Variants in ACYP2 observed in about 807,000 individuals in gnomAD.
ACYP2 encodes acylphosphatase 2.
Under a neutral mutation model 11.2 loss-of-function variants are expected in ACYP2, and 12 were observed. The observed-to-expected ratio is 1.08, with a 90% CI of 0.69 to 1.74. The LOEUF is 1.74. ACYP2 is among the 40% of genes most tolerant of loss of function. The pLI, the probability that ACYP2 is intolerant of heterozygous loss-of-function variation, is 0.00. For missense variants in ACYP2, 134 were observed against 101.9 expected (o/e 1.31, Z -1.35); for synonymous variants, 43 against 32.2 (o/e 1.33, Z -1.13).
intron 2 of ACYP2, among the ~76,000 whole-genome samples, chr2:53,982,508 C>G (rs1356512594): frequency 6.6e-6 from 1 of 152,162 alleles, no homozygotes; most frequent in Non-Finnish European, 1.5e-5. Flanking sequence ...TGAAAACAGA[C>G]AAAACTATAA....
chr2:54,095,138 ACCGC>A (rs1292038073), intron 4 of ACYP2, among the ~76,000 whole-genome samples: 1 of 151,962 alleles, frequency 6.6e-6, no homozygotes, highest in East Asian at 1.9e-4. Flanking sequence ...CACATCTTGC[ACCGC>A]CCTTAATCCA....
intron 6 of ACYP2, among the ~76,000 whole-genome samples, chr2:54,275,376 A>G (rs1277297566): frequency 2.6e-5 from 4 of 152,186 alleles, no homozygotes; most frequent in Admixed American, 1.3e-4. Context: ...GAAACTGAGG[A>G]TTGGCTACTG....
At chr2:54,115,303 T>C in intron 4 of ACYP2, 1 of 466,910 alleles carries the variant, frequency 2.1e-6, no homozygotes, top group Non-Finnish European at 3.8e-6. Flanking sequence ...CAACTTTTAT[T>C]TGTCAATTAC....
At chr2:53,978,446 G>A (rs1671599613) in intron 2 of ACYP2, among the ~76,000 whole-genome samples, 1 of 152,108 alleles carries the variant, frequency 6.6e-6, no homozygotes, top group Non-Finnish European at 1.5e-5. Flanking sequence ...GGTCAAGTAA[G>A]GACCACATAG....
At chr2:54,157,292 G>T (rs1235603051) in intron 6 of ACYP2, among the ~76,000 whole-genome samples, 1 of 151,930 alleles carries the variant, frequency 6.6e-6, no homozygotes, top group Non-Finnish European at 1.5e-5. Context: ...ATTTATCTCT[G>T]TCATTTGTGA....
chr2:54,065,560 C>T (rs1439412911), intron 4 of ACYP2: 1 of 398,404 alleles, frequency 2.5e-6, no homozygotes, highest in Non-Finnish European at 4.4e-6. Context: ...GTATTCAGAG[C>T]TGAGGCTTCA....
intron 2 of ACYP2, among the ~76,000 whole-genome samples, chr2:54,012,024 T>C (rs1673402007): frequency 6.6e-6 from 1 of 152,016 alleles, no homozygotes. Flanking sequence ...TCACTTGAGG[T>C]CAGGAGTTTG....
chr2:54,190,852 T>TC (rs1684209720), intron 6 of ACYP2, among the ~76,000 whole-genome samples: 1 of 152,120 alleles, frequency 6.6e-6, no homozygotes, highest in South Asian at 2.1e-4. Context: ...CTTAATTTTC[T>TC]CCCCCAACTC....
At chr2:54,251,762 TAGAG>T (rs1163769258) in intron 6 of ACYP2, among the ~76,000 whole-genome samples, 1 of 152,190 alleles carries the variant, frequency 6.6e-6, no homozygotes, top group Admixed American at 6.5e-5. Flanking sequence ...TTATGTCCCT[TAGAG>T]AGCAAAGAAC....
chr2:54,171,225 C>T (rs867342221), intron 6 of ACYP2, among the ~76,000 whole-genome samples: 27 of 152,290 alleles, frequency 1.8e-4, no homozygotes, highest in African/African-American at 6.3e-4. Context: ...TTCGTGTCTG[C>T]TGTCCAGCCC....
At chr2:54,281,587 G>T (rs968353628) in intron 6 of ACYP2, among the ~76,000 whole-genome samples, 10 of 152,168 alleles carry the variant, frequency 6.6e-5, no homozygotes, top group African/African-American at 2.2e-4. Flanking sequence ...CTAGACTCTG[G>T]TGAAACCCTT....
intron 4 of ACYP2, among the ~76,000 whole-genome samples, chr2:54,133,565 T>G (rs1303104170): frequency 6.6e-6 from 1 of 152,184 alleles, no homozygotes; most frequent in African/African-American, 2.4e-5. Flanking sequence ...TGATGTTTCT[T>G]TACTTAGGCC....
At chr2:54,193,918 G>T (rs188025947) in intron 6 of ACYP2, among the ~76,000 whole-genome samples, 3 of 152,332 alleles carry the variant, frequency 2.0e-5, no homozygotes, top group Admixed American at 6.5e-5. Flanking sequence ...AAACATTATA[G>T]AGTAAAATAT....
At chr2:54,304,617 T>G (rs1043080470) in intron 6 of ACYP2, 71 bp from the exon 4 acceptor site, 2 of 1,043,922 alleles carry the variant, frequency 1.9e-6, no homozygotes, top group Admixed American at 4.2e-5. Flanking sequence ...TAATACCTAC[T>G]GTGGGCTCAT....
chr2:54,255,441 G>A lies in ACYP2; in HGVS notation c.405-49247G>A, dbSNP rs1206921023. ...GAATGATGTCATTCCTCTGCTCCAG[G>A]TAGTATTCATGAATCTGCCCAAACC... is the stretch of plus-strand genomic sequence containing the variant. On this transcript the variant is annotated intron_variant, in intron 6 of 6. Coordinates refer to ENST00000607452, the MANE Select transcript of ACYP2 (RefSeq NM_001320586.2). 6 of 1,614,044 alleles carry A rather than the reference G, an allele frequency of 3.7e-6. No individual in the cohort carries two copies. In the African/African-American group the frequency reaches 4.0e-5, roughly 11 times the overall value.
chr2:54,084,179 A>G (rs1481614764), intron 4 of ACYP2, among the ~76,000 whole-genome samples: 1 of 152,244 alleles, frequency 6.6e-6, no homozygotes, highest in African/African-American at 2.4e-5. Flanking sequence ...TACTCCAAAA[A>G]TAGAATAATG....
chr2:54,271,187 C>G (rs888944216), intron 6 of ACYP2, among the ~76,000 whole-genome samples: 3 of 152,172 alleles, frequency 2.0e-5, no homozygotes, highest in Admixed American at 2.0e-4. Context: ...TGATCCCCTC[C>G]TTGTCCGGGA....
chr2:54,079,659 G>C (rs1677538832), intron 4 of ACYP2, among the ~76,000 whole-genome samples: 1 of 152,202 alleles, frequency 6.6e-6, no homozygotes, highest in African/African-American at 2.4e-5. Context: ...CATATCAAGT[G>C]ATTCCCATAA....
At chr2:54,022,279 G>A (rs555162540) in intron 2 of ACYP2, among the ~76,000 whole-genome samples, 11 of 152,002 alleles carry the variant, frequency 7.2e-5, no homozygotes, top group East Asian at 1.9e-4. Context: ...TTCAGGATTC[G>A]CTACCCCAAA....
Sources: allele counts gnomAD v4.1 joint callset (sites outside exome capture counted in the v4.1 genomes callset), GRCh38; gene constraint gnomAD v4.1.1; transcripts MANE v1.5; gene names NCBI Gene and HGNC (gene_info 2026-07-23, HGNC 2026-07-21).